AGMO: variants seen among roughly 807,000 people sequenced by gnomAD.
AGMO encodes glyceryl-ether monooxygenase.
In AGMO, 75 loss-of-function variants were observed where a neutral mutation model predicts 60.2. The ratio of observed to expected loss-of-function variants is 1.25; its 90% confidence interval spans 1.03 to 1.51. AGMO has a LOEUF of 1.51. Ranked by LOEUF, AGMO falls within the 40% of genes most tolerant of loss-of-function variation. The pLI is 0.00. For missense variants in AGMO, 763 were observed against 525.5 expected (o/e 1.45, Z -4.42); for synonymous variants, 261 against 177.1 (o/e 1.47, Z -3.76).
At chr7:15,322,715 AATATATAAAT>A (rs1261191197) in intron 12 of AGMO, among the ~76,000 whole-genome samples, 744 of 47,426 alleles carry the variant, frequency 0.016, 146 homozygotes, top group African/African-American at 0.076. Context: ...AATATATATA[AATATATAAAT>A]ATATATATAA....
chr7:15,431,541 G>A (rs1392129901), intron 3 of AGMO, among the ~76,000 whole-genome samples: 4 of 151,758 alleles, frequency 2.6e-5, no homozygotes, highest in African/African-American at 9.7e-5. Flanking sequence ...AATTGGTATG[G>A]AAATTTTGGA....
chr7:15,187,639 A>G, the AGMO span, among the ~76,000 whole-genome samples: 4 of 152,132 alleles, frequency 2.6e-5, no homozygotes, highest in African/African-American at 7.2e-5. Context: ...GAAGTGTGCA[A>G]TTAATATGTG....
At chr7:15,139,492 G>A in the AGMO span, among the ~76,000 whole-genome samples, 1 of 151,948 alleles carries the variant, frequency 6.6e-6, no homozygotes, top group Non-Finnish European at 1.5e-5. Flanking sequence ...TTAGTTATTT[G>A]TCCTACTTCT....
chr7:15,127,136 C>T, the AGMO span, among the ~76,000 whole-genome samples: 3 of 152,152 alleles, frequency 2.0e-5, no homozygotes, highest in African/African-American at 7.2e-5. Flanking sequence ...TGTCTCATGC[C>T]TCCCTAAAAT....
the AGMO span, among the ~76,000 whole-genome samples, chr7:15,165,957 A>G: frequency 6.6e-6 from 1 of 152,264 alleles, no homozygotes; most frequent in East Asian, 1.9e-4. Context: ...ATGTATATAA[A>G]TATGTAAATA....
intron 12 of AGMO, among the ~76,000 whole-genome samples, chr7:15,220,502 G>GC (rs1293457542): frequency 6.6e-6 from 1 of 151,746 alleles, no homozygotes; most frequent in Non-Finnish European, 1.5e-5. Context: ...ACAGGGGTGA[G>GC]CCATCATGCC....
At position 15,313,829 on chromosome 7, in the gene AGMO, C is replaced by T. The variant is rs1485016440; in HGVS notation, c.1263+51685G>A. On this transcript the variant is annotated intron_variant, in intron 12 of 12. Coordinates refer to ENST00000342526, the MANE Select transcript of AGMO (RefSeq NM_001004320.2). ...AACAATAACTAATAATAACATAGTA[C>T]AATTATAGCAATGTTCTGTAATAAA... Among the ~76,000 whole-genome samples the T allele has an allele frequency of 1.7e-4, 26 of 151,962 alleles. No homozygotes were observed. In the South Asian group the frequency reaches 2.7e-3, roughly 16 times the overall value.
chr7:15,139,820 C>CAAAAA, the AGMO span, among the ~76,000 whole-genome samples: 1,407 of 66,224 alleles, frequency 0.021, 18 homozygotes, highest in African/African-American at 0.053. Context: ...TCTCAAAAGA[C>CAAAAA]AAAAAAAAAA....
chr7:15,372,887 T>C (rs1783275504), intron 10 of AGMO, among the ~76,000 whole-genome samples: 1 of 152,226 alleles, frequency 6.6e-6, no homozygotes, highest in South Asian at 2.1e-4. Flanking sequence ...GATCGGTTCT[T>C]AATCACAGAA....
intron 10 of AGMO, among the ~76,000 whole-genome samples, chr7:15,376,857 T>A (rs1451667227): frequency 6.6e-6 from 1 of 152,104 alleles, no homozygotes; most frequent in Admixed American, 6.6e-5. Flanking sequence ...AACTAAACAC[T>A]ATATATTTAA....
intron 3 of AGMO, among the ~76,000 whole-genome samples, chr7:15,504,611 T>C (rs1025665652): frequency 9.9e-5 from 15 of 152,080 alleles, no homozygotes; most frequent in Admixed American, 9.2e-4. Flanking sequence ...TCCGGAGGAA[T>C]TGCTCCATAA....
intron 5 of AGMO, among the ~76,000 whole-genome samples, chr7:15,412,739 A>G (rs1249314466): frequency 6.6e-6 from 1 of 151,628 alleles, no homozygotes; most frequent in African/African-American, 2.4e-5. Flanking sequence ...GAAGATCACC[A>G]AGGATAAGGA....
At chr7:15,218,547 T>TAA (rs1781816769) in intron 12 of AGMO, among the ~76,000 whole-genome samples, 1 of 132,810 alleles carries the variant, frequency 7.5e-6, no homozygotes, top group Non-Finnish European at 1.5e-5. Flanking sequence ...TTCATTTCCT[T>TAA]TAAAAAAAAT....
chr7:15,519,170 A>G (rs1422406857), intron 3 of AGMO, among the ~76,000 whole-genome samples: 1 of 152,048 alleles, frequency 6.6e-6, no homozygotes, highest in African/African-American at 2.4e-5. Flanking sequence ...GGACTATGTG[A>G]AGAGATCAAA....
chr7:15,341,840 T>G (rs748445570), intron 12 of AGMO, among the ~76,000 whole-genome samples: 1 of 151,998 alleles, frequency 6.6e-6, no homozygotes, highest in African/African-American at 2.4e-5. Context: ...CAAGAGGGTG[T>G]GTGCAGGGGA....
At chr7:15,176,474 T>C in the AGMO span, among the ~76,000 whole-genome samples, 1 of 152,002 alleles carries the variant, frequency 6.6e-6, no homozygotes, top group Non-Finnish European at 1.5e-5. Flanking sequence ...GGAAGTTTTA[T>C]TATTCACTTT....
At chr7:15,381,931 A>C (rs760673209) in intron 10 of AGMO, among the ~76,000 whole-genome samples, 1 of 152,130 alleles carries the variant, frequency 6.6e-6, no homozygotes, top group African/African-American at 2.4e-5. Flanking sequence ...ACAGAAAACC[A>C]AATACTGCAT....
chr7:15,406,234 C>G (rs1784681566), intron 5 of AGMO, among the ~76,000 whole-genome samples: 1 of 148,830 alleles, frequency 6.7e-6, no homozygotes. Context: ...GGAATACACA[C>G]ACACACACAC....
intron 10 of AGMO, among the ~76,000 whole-genome samples, chr7:15,379,640 CCAGA>C (rs1562472155): frequency 6.6e-6 from 1 of 152,038 alleles, no homozygotes; most frequent in Non-Finnish European, 1.5e-5. Context: ...AAGCCCAGCA[CCAGA>C]CAGATTCACA....
Sources: allele counts gnomAD v4.1 joint callset (sites outside exome capture counted in the v4.1 genomes callset), GRCh38; gene constraint gnomAD v4.1.1; transcripts MANE v1.5; gene names NCBI Gene and HGNC (gene_info 2026-07-23, HGNC 2026-07-21).